The following PDCD6 variants were observed in gnomAD, a reference collection of about 807,000 sequenced individuals.
The protein encoded by PDCD6 is programmed cell death 6, also known as programmed cell death protein 6.
Under a neutral mutation model 28.3 loss-of-function variants are expected in PDCD6, and 12 were observed. The ratio of observed to expected loss-of-function variants is 0.42; its 90% CI spans 0.27 to 0.69. The LOEUF is 0.69. Among genes scored for constraint, PDCD6 ranks in the 30% least tolerant of loss-of-function variants. The pLI, the probability that PDCD6 is intolerant of heterozygous loss-of-function variation, is 0.22. For missense variants in PDCD6, 226 were observed against 269.9 expected (o/e 0.84, Z 1.14); for synonymous variants, 92 against 108.0 (o/e 0.85, Z 0.92).
chr5:294,105 T>C (rs1434508196), intron 2 of PDCD6, among the ~76,000 whole-genome samples: 2 of 150,924 alleles, frequency 1.3e-5, no homozygotes, highest in African/African-American at 4.9e-5. Flanking sequence ...AACCCTTAGA[T>C]AAAAACACAG....
intron 2 of PDCD6, among the ~76,000 whole-genome samples, chr5:297,616 C>T (rs1358704211): frequency 6.6e-6 from 1 of 152,194 alleles, no homozygotes; most frequent in African/African-American, 2.4e-5. Flanking sequence ...TCCACACTTG[C>T]TGGGGGCTTC....
intron 2 of PDCD6, among the ~76,000 whole-genome samples, chr5:275,143 A>G (rs190423336): frequency 6.6e-6 from 1 of 152,270 alleles, no homozygotes; most frequent in East Asian, 1.9e-4. Context: ...GTGCAGGGCC[A>G]GGTGCAGTGG....
chr5:279,858 C>T (rs1462368836), intron 2 of PDCD6, among the ~76,000 whole-genome samples: 3 of 148,042 alleles, frequency 2.0e-5, no homozygotes, highest in Non-Finnish European at 3.0e-5. Flanking sequence ...ACTGCGATGA[C>T]TTGTGCGCCA....
intron 2 of PDCD6, among the ~76,000 whole-genome samples, chr5:298,227 T>G (rs1261434125): frequency 6.6e-6 from 1 of 152,168 alleles, no homozygotes; most frequent in Non-Finnish European, 1.5e-5. Flanking sequence ...ATGGGGTCTC[T>G]GAGGGGTGCC....
intron 2 of PDCD6, among the ~76,000 whole-genome samples, chr5:296,957 C>G (rs542819590): frequency 6.6e-6 from 1 of 152,184 alleles, no homozygotes. Flanking sequence ...ATCTCAAGTT[C>G]TCTGGTGCCC....
Position 276,847 on chromosome 5 carries a change from A to G in PDCD6, c.163+4075A>G, listed in dbSNP as rs116266461. 4.1e-4 allele frequency: 408 copies of G among 985,410 alleles called. 1 individual carries two copies. The African/African-American group carries it at 6.6e-3, about 16-fold the overall frequency. The allele number at this position is 985,410 out of a possible 1,614,324, so 61.0% of individuals were successfully genotyped here. A position where few individuals can be genotyped will look rare whatever the true frequency, so the allele number is the denominator to read the frequency against. On this transcript the variant is annotated intron_variant, in intron 2 of 5. Transcript: ENST00000264933. ...GACTTGTTTGCACAGGAGAGCTGCT[A>G]AAAATTACTGCTCTCAGGGAGGTCT...
intron 2 of PDCD6, among the ~76,000 whole-genome samples, chr5:300,343 T>G (rs1449671051): frequency 6.6e-6 from 1 of 152,258 alleles, no homozygotes; most frequent in Non-Finnish European, 1.5e-5. Context: ...AGCTTCTTGC[T>G]GGAGGAATCC....
At chr5:302,219 C>G (rs1406118985) in intron 2 of PDCD6, among the ~76,000 whole-genome samples, 1 of 111,972 alleles carries the variant, frequency 8.9e-6, no homozygotes, top group Non-Finnish European at 1.8e-5. Flanking sequence ...GTGTATGCCT[C>G]GGGTTCAGGT....
In PDCD6 at chr5:271,766, C is replaced by A; in HGVS notation, c.46C>A (p.Pro16Thr). 1 of 1,498,230 alleles carries A rather than the reference C, an allele frequency of 6.7e-7. No homozygotes were observed. The highest frequency in any genetic ancestry group is 8.8e-7 in the Non-Finnish European group (1 of 1,130,254). The allele number at this position is 1,498,230 out of a possible 1,614,324, so 92.8% of individuals were successfully genotyped here. The change falls in exon 1 of 6, where the codon CCT (proline) becomes ACT (threonine). Residue 16 changes from proline to threonine, a missense_variant. Pro to Thr is a conservative substitution (Grantham distance 38). Around this residue, in one of 3 missense-constraint regions of PDCD6, gnomAD observed 72 missense variants for 71.4 expected, o/e 1.01. Coordinates refer to ENST00000264933, the MANE Select transcript of PDCD6 (RefSeq NM_013232.4). ...CCCCGGCCCTGGGGCCGGCCCTGGG[C>A]CTGCTGCAGGCGCGGCGCTGCCGGA... ...YRPGPGAGPG[P>T]AAGAALPDQS...
At chr5:303,437 G>C (rs1180164053) in intron 2 of PDCD6, among the ~76,000 whole-genome samples, 3 of 151,958 alleles carry the variant, frequency 2.0e-5, no homozygotes, top group Non-Finnish European at 4.4e-5. Context: ...TCTGAAGATA[G>C]GTTCTTGTGT....
At chr5:295,100 T>C (rs998543472) in intron 2 of PDCD6, among the ~76,000 whole-genome samples, 16 of 151,896 alleles carry the variant, frequency 1.1e-4, no homozygotes, top group Non-Finnish European at 2.4e-4. Flanking sequence ...TGAGGGGCTG[T>C]ACAGCAAACA....
rs1338653675 is a variant in PDCD6, at chr5:281,390, A to G, written c.163+8618A>G. ...GGAGCCGGTGCTGCCTTTTAAGTCT[A>G]TGAGAGTCGTTGAGCTGGAGGTCCA... On this transcript the variant is annotated intron_variant, in intron 2 of 5. Coordinates refer to ENST00000264933, the MANE Select transcript of PDCD6 (RefSeq NM_013232.4). Among the ~76,000 whole-genome samples, 3 of 151,982 alleles carry G rather than the reference A, an allele frequency of 2.0e-5. 1 individual carries two copies. The highest frequency in any genetic ancestry group is 4.4e-5 in the Non-Finnish European group (3 of 67,972).
chr5:297,987 C>A (rs1017689943), intron 2 of PDCD6, among the ~76,000 whole-genome samples: 3 of 152,194 alleles, frequency 2.0e-5, no homozygotes, highest in Non-Finnish European at 2.9e-5. Flanking sequence ...AAATTTATTT[C>A]TTTACATAGA....
chr5:275,282 CT>C (rs1290600063), intron 2 of PDCD6, among the ~76,000 whole-genome samples: 1 of 152,200 alleles, frequency 6.6e-6, no homozygotes, highest in African/African-American at 2.4e-5. Context: ...ATTTCCTCAG[CT>C]TGTGCTGGGG....
intron 5 of PDCD6, chr5:311,625 G>T: frequency 1.9e-6 from 1 of 524,938 alleles, no homozygotes. Context: ...TCTGCAAGAC[G>T]TGGTTTTTCA....
chr5:295,806 A>G (rs562079221), intron 2 of PDCD6, among the ~76,000 whole-genome samples: 2 of 147,268 alleles, frequency 1.4e-5, no homozygotes, highest in East Asian at 2.0e-4. Context: ...CACTAAGACG[A>G]TAGTTACTGC....
At chr5:299,642 C>T (rs191106479) in intron 2 of PDCD6, among the ~76,000 whole-genome samples, 1,582 of 152,014 alleles carry the variant, frequency 0.01, 16 homozygotes, top group Non-Finnish European at 0.016. Flanking sequence ...CTCCACCTCC[C>T]GGGTTCACGC....
chr5:279,237 G>A (rs926440224), intron 2 of PDCD6, among the ~76,000 whole-genome samples: 1 of 152,146 alleles, frequency 6.6e-6, no homozygotes, highest in East Asian at 1.9e-4. Context: ...TCCTTGCCAG[G>A]GCCGGAGGGA....
intron 2 of PDCD6, among the ~76,000 whole-genome samples, chr5:291,268 C>T (rs1208017724): frequency 1.3e-5 from 2 of 152,274 alleles, no homozygotes; most frequent in Admixed American, 6.5e-5. Context: ...TCTGTTGCCT[C>T]GGCTGTAGTT....
Sources: allele counts gnomAD v4.1 joint callset (sites outside exome capture counted in the v4.1 genomes callset), GRCh38; gene constraint gnomAD v4.1.1; regional missense constraint gnomAD v4.1.1; transcripts MANE v1.5; gene names NCBI Gene and HGNC (gene_info 2026-07-23, HGNC 2026-07-21).